Variants in KCNAB1 observed in about 807,000 individuals in gnomAD.
KCNAB1 encodes the protein voltage-gated potassium channel subunit beta-1.
In KCNAB1, 35 loss-of-function variants were observed where a neutral mutation model predicts 64.6. That is an observed-to-expected ratio of 0.54 (90% confidence interval 0.41 to 0.72). The LOEUF is 0.72. Among genes scored for constraint, KCNAB1 ranks in the 30% least tolerant of loss-of-function variants. The pLI is 0.00. For missense variants in KCNAB1, 401 were observed against 512.9 expected, an observed-to-expected ratio of 0.78 and a Z score of 2.11; for synonymous variants, 177 against 183.8, an observed-to-expected ratio of 0.96 and a Z score of 0.30.
At chr3:156,166,198 T>C (rs1301234787) in intron 1 of KCNAB1, among the ~76,000 whole-genome samples, 1 of 152,210 alleles carries the variant, frequency 6.6e-6, no homozygotes, top group African/African-American at 2.4e-5. Context: ...GCTTTACTGT[T>C]AAGTGTAGTG....
intron 1 of KCNAB1, among the ~76,000 whole-genome samples, chr3:156,175,120 GA>G (rs923538497): frequency 2.0e-5 from 3 of 152,282 alleles, no homozygotes; most frequent in South Asian, 4.1e-4. Flanking sequence ...GTCATCAACA[GA>G]AAACAGAGGT....
intron 1 of KCNAB1, among the ~76,000 whole-genome samples, chr3:156,384,125 T>G (rs1375406748): frequency 1.3e-5 from 2 of 152,240 alleles, no homozygotes; most frequent in Non-Finnish European, 2.9e-5. Context: ...ATTAGGCACT[T>G]TTTATTCTGC....
At chr3:156,526,741 T>C (rs1290986557) in intron 12 of KCNAB1, among the ~76,000 whole-genome samples, 1 of 152,182 alleles carries the variant, frequency 6.6e-6, no homozygotes. Context: ...TTACTAGTCA[T>C]ATCTTACCGA....
At chr3:156,432,853 T>A (rs1431561739) in intron 2 of KCNAB1, among the ~76,000 whole-genome samples, 2 of 152,172 alleles carry the variant, frequency 1.3e-5, no homozygotes, top group African/African-American at 4.8e-5. Flanking sequence ...GGTGACCTTC[T>A]GTCTGACTTC....
intron 1 of KCNAB1, among the ~76,000 whole-genome samples, chr3:156,383,998 C>T (rs1333662980): frequency 6.6e-6 from 1 of 152,074 alleles, no homozygotes; most frequent in Non-Finnish European, 1.5e-5. Flanking sequence ...GTGTTTAGTA[C>T]TTGGGTGGTT....
chr3:156,395,262 A>ATTT (rs1713340488), intron 1 of KCNAB1, among the ~76,000 whole-genome samples: 3 of 151,752 alleles, frequency 2.0e-5, no homozygotes, highest in African/African-American at 7.3e-5. Flanking sequence ...AGACATTGTT[A>ATTT]GGGCCGGGCG....
intron 1 of KCNAB1, among the ~76,000 whole-genome samples, chr3:156,131,800 T>A (rs1211849628): frequency 6.6e-6 from 1 of 152,162 alleles, no homozygotes; most frequent in Admixed American, 6.5e-5. Flanking sequence ...GTGGGAAGGG[T>A]CCAGTCAGGT....
At chr3:156,451,475 C>T (rs1712002202) in intron 2 of KCNAB1, among the ~76,000 whole-genome samples, 1 of 152,120 alleles carries the variant, frequency 6.6e-6, no homozygotes, top group South Asian at 2.1e-4. Flanking sequence ...TTTGGGGAAT[C>T]CTGGGTATTC....
intron 5 of KCNAB1, chr3:156,460,103 A>AG (rs1309707007): frequency 4.4e-6 from 2 of 457,116 alleles, no homozygotes; most frequent in Non-Finnish European, 7.7e-6. Flanking sequence ...TGAGCAGAGA[A>AG]GGGGGGGATG....
intron 1 of KCNAB1, among the ~76,000 whole-genome samples, chr3:156,381,489 C>T (rs1410605034): frequency 6.6e-6 from 1 of 152,170 alleles, no homozygotes; most frequent in Non-Finnish European, 1.5e-5. Flanking sequence ...CTGGGGTCTC[C>T]TTGCCCACAA....
chr3:156,364,234 C>G (rs1425468146), intron 1 of KCNAB1, among the ~76,000 whole-genome samples: 1 of 152,200 alleles, frequency 6.6e-6, no homozygotes, highest in Non-Finnish European at 1.5e-5. Flanking sequence ...TAGACCTTTA[C>G]TCTCTCAGAG....
intron 2 of KCNAB1, chr3:156,441,422 T>C (rs1458957786): frequency 1.3e-5 from 2 of 152,180 alleles, no homozygotes; most frequent in Non-Finnish European, 2.9e-5. Flanking sequence ...CTTTTCATAG[T>C]AACTTACTGT....
At chr3:156,503,722 AG>A (rs1252842233) in intron 8 of KCNAB1, among the ~76,000 whole-genome samples, 2 of 152,182 alleles carry the variant, frequency 1.3e-5, no homozygotes, top group African/African-American at 4.8e-5. Context: ...AGCTCAAACA[AG>A]ACCAAATAAT....
At chr3:156,455,186 G>A (rs1299686598) in intron 3 of KCNAB1, among the ~76,000 whole-genome samples, 5 of 152,234 alleles carry the variant, frequency 3.3e-5, no homozygotes, top group Non-Finnish European at 5.9e-5. Flanking sequence ...ACCAATAGCA[G>A]TGAGTTCACC....
At chr3:156,496,767 C>T (rs1043058898) in intron 8 of KCNAB1, among the ~76,000 whole-genome samples, 45 of 152,166 alleles carry the variant, frequency 3.0e-4, no homozygotes, top group African/African-American at 1.1e-3. Context: ...TAAGGGAAAA[C>T]AGCCAACATT....
At chr3:156,348,201 G>C (rs73873325) in intron 1 of KCNAB1, among the ~76,000 whole-genome samples, 3,886 of 152,256 alleles carry the variant, frequency 0.026, 79 homozygotes, top group African/African-American at 0.065. Context: ...TGACATTTAA[G>C]CTGAGGCCTA....
chr3:156,283,098 T>A (rs970566034), intron 1 of KCNAB1, among the ~76,000 whole-genome samples: 22 of 152,178 alleles, frequency 1.4e-4, no homozygotes, highest in South Asian at 6.2e-4. Context: ...TTGCAGCGGC[T>A]GGTACTGGTT....
In KCNAB1 at chr3:156,514,469, T is replaced by C; in HGVS notation, c.744+20T>C. 1 of 1,561,138 alleles carries C rather than the reference T, an allele frequency of 6.4e-7. No homozygotes were observed. Among genetic ancestry groups the C allele is most frequent in the South Asian group, 1.1e-5 (1 of 89,966 alleles). ...ATCATGGTAATTTAACTTCTATTTT[T>C]AAATGGCTATTGAGTACCTTATTAT... On this transcript the variant is annotated intron_variant, in intron 9 of 13. Coordinates refer to ENST00000490337, the MANE Select transcript of KCNAB1 (RefSeq NM_172160.3).
chr3:156,427,758 C>T (rs1356441589), intron 2 of KCNAB1, among the ~76,000 whole-genome samples: 3 of 152,072 alleles, frequency 2.0e-5, no homozygotes, highest in Admixed American at 6.5e-5. Context: ...CGTTGGAGAC[C>T]GGGGAACCTA....
Sources: gnomAD v4.1 joint callset for allele counts (sites outside exome capture counted in the v4.1 genomes callset) on GRCh38, gnomAD v4.1.1 for gene constraint, MANE v1.5 for transcripts, NCBI Gene and HGNC (gene_info 2026-07-23, HGNC 2026-07-21) for gene names.